ENG: variants seen among roughly 807,000 people sequenced by gnomAD.
ENG encodes CD105 antigen.
Under a neutral mutation model 71.0 loss-of-function variants are expected in ENG, and 17 were observed. The observed-to-expected ratio is 0.24, with a 90% confidence interval of 0.16 to 0.36. ENG has a LOEUF of 0.36. Ranked by LOEUF, ENG falls within the 10% of genes least tolerant of loss-of-function variation. The pLI is 1.00. For missense variants in ENG, 749 were observed against 868.3 expected, an observed-to-expected ratio of 0.86 and a Z score of 1.73; for synonymous variants, 360 against 366.9, an observed-to-expected ratio of 0.98 and a Z score of 0.21.
At chr9:127,819,352 C>G in intron 10 of ENG, 1 of 491,034 alleles carries the variant, frequency 2.0e-6, no homozygotes, top group South Asian at 2.1e-5. Flanking sequence ...GCGCAGAGTC[C>G]TTTCTTAGGC....
intron 2 of ENG, among the ~76,000 whole-genome samples, chr9:127,837,817 A>ATCCATCCACATCCATCCATTCATCCAG (rs1280692329): frequency 1.2e-5 from 1 of 80,928 alleles, no homozygotes; most frequent in African/African-American, 8.7e-5. Flanking sequence ...CATCCATCCA[A>ATCCATCCACATCCATCCATTCATCCAG]CAGATATTGA....
intron 4 of ENG, 60 bp from the exon 5 acceptor site, chr9:127,825,920 C>T (rs1476029091): frequency 7.8e-6 from 12 of 1,545,744 alleles, no homozygotes; most frequent in South Asian, 1.2e-5. Flanking sequence ...AACAGAGCCC[C>T]GCCCTCACCC....
At chr9:127,839,155 A>G (rs1420189835) in intron 2 of ENG, among the ~76,000 whole-genome samples, 1 of 152,020 alleles carries the variant, frequency 6.6e-6, no homozygotes, top group Admixed American at 6.5e-5. Flanking sequence ...CTCTACCTTC[A>G]GTGCTCATCA....
chr9:127,817,053 G>A, intron 13 of ENG, 96 bp downstream of exon 13: 2 of 1,415,594 alleles, frequency 1.4e-6, no homozygotes, highest in African/African-American at 1.4e-5. Flanking sequence ...CCCTTGCCAT[G>A]TGCTATGTGC....
intron 11 of ENG, 131 bp from the exon 12 acceptor site, chr9:127,818,508 C>G (rs1830389934): frequency 1.3e-6 from 2 of 1,520,594 alleles, no homozygotes; most frequent in African/African-American, 1.4e-5. Flanking sequence ...AAGACATGGA[C>G]CTGTCTGGGG....
intron 8 of ENG, among the ~76,000 whole-genome samples, chr9:127,823,659 A>G (rs1588580218): frequency 7.4e-6 from 1 of 135,142 alleles, no homozygotes; most frequent in East Asian, 2.2e-4. Flanking sequence ...AAGTGCTGGG[A>G]TTACAGGCAC....
At chr9:127,847,459 C>A (rs1235008804) in intron 1 of ENG, among the ~76,000 whole-genome samples, 2 of 151,824 alleles carry the variant, frequency 1.3e-5, no homozygotes, top group African/African-American at 2.4e-5. Flanking sequence ...CCGCTGCCAC[C>A]CCCCCTTTTC....
At chr9:127,851,288 C>T (rs1481502671) in intron 1 of ENG, among the ~76,000 whole-genome samples, 3 of 151,928 alleles carry the variant, frequency 2.0e-5, no homozygotes, top group African/African-American at 7.3e-5. Context: ...GGCTTGATCT[C>T]GGCTCATCAC....
chr9:127,841,446 C>A (rs985805967), intron 2 of ENG, among the ~76,000 whole-genome samples: 1 of 151,680 alleles, frequency 6.6e-6, no homozygotes, highest in Non-Finnish European at 1.5e-5. Context: ...ACAAACAATG[C>A]GAACTAACAG....
chr9:127,841,173 C>T (rs1831021585), intron 2 of ENG: 2 of 152,384 alleles, frequency 1.3e-5, no homozygotes, highest in South Asian at 4.1e-4. Context: ...TCCTTAGCTT[C>T]CAAGATCAGA....
At chr9:127,851,848 A>C (rs1159744104) in intron 1 of ENG, among the ~76,000 whole-genome samples, 1 of 152,170 alleles carries the variant, frequency 6.6e-6, no homozygotes, top group African/African-American at 2.4e-5. Flanking sequence ...ATTGCACTGC[A>C]GCCTGGGTGA....
At chr9:127,817,235 C>A (rs770622486) in intron 12 of ENG, 32 bp from the exon 13 acceptor site, 6 of 1,613,374 alleles carry the variant, frequency 3.7e-6, no homozygotes, top group Non-Finnish European at 5.1e-6. Flanking sequence ...GTATGTGGCA[C>A]CTTTGGGAGG....
chr9:127,847,456 C>T (rs1831192745), intron 1 of ENG, among the ~76,000 whole-genome samples: 1 of 151,890 alleles, frequency 6.6e-6, no homozygotes. Flanking sequence ...TTCCCGCTGC[C>T]ACCCCCCCTT....
At position 127,815,333 on chromosome 9, in the gene ENG, T is replaced by C. The variant is rs770303011; in HGVS notation, c.*349A>G. The C allele has an allele frequency of 3.0e-5, 8 of 269,790 alleles. No individual in the cohort carries two copies. Among genetic ancestry groups the C allele is most frequent in the East Asian group, 2.4e-4 (3 of 12,760 alleles). 16.7% of individuals were successfully genotyped at this position (269,790 alleles called of 1,614,324 possible). A position where few individuals can be genotyped will look rare whatever the true frequency, so the allele number is the denominator to read the frequency against. The stretch of plus-strand genomic sequence containing the variant: ...TGGCCTGGCTGGGCTGGCCTGAATC[T>C]GTTTCAAGTTCTCCCTTCCTGCCCA... On this transcript the variant is annotated 3_prime_UTR_variant, in exon 15 of 15. Transcript: ENST00000373203.
Position 127,815,638 on chromosome 9 carries a change from C to T in ENG, c.*44G>A, listed in dbSNP as rs753402054. 2.8e-5 allele frequency: 43 copies of T among 1,538,084 alleles called. 1 individual carries two copies. The Middle Eastern group carries it at 6.7e-4, about 24-fold the overall frequency. ...AGTTCACACCAGTGCTCCCAGCTGG[C>T]GGCTGCTCAGTCTCTCCTGCTGGGC... On this transcript the variant is annotated 3_prime_UTR_variant, in exon 15 of 15. Transcript: ENST00000373203.
intron 13 of ENG, 54 bp from the exon 14 acceptor site, chr9:127,816,107 A>G: frequency 6.3e-7 from 1 of 1,578,794 alleles, no homozygotes; most frequent in Non-Finnish European, 8.6e-7. Flanking sequence ...CCCATCCCCT[A>G]CCCTGTTGTG....
intron 1 of ENG, among the ~76,000 whole-genome samples, chr9:127,843,906 G>A (rs1308890554): frequency 6.9e-6 from 1 of 145,176 alleles, no homozygotes; most frequent in African/African-American, 2.5e-5. Context: ...CAAGTAGCTG[G>A]GATTATAGGC....
At chr9:127,829,037 G>T (rs1830696532) in intron 3 of ENG, among the ~76,000 whole-genome samples, 1 of 152,100 alleles carries the variant, frequency 6.6e-6, no homozygotes, top group African/African-American at 2.4e-5. Flanking sequence ...CCAGCTCCCT[G>T]ACCTCCTCTC....
chr9:127,834,984 T>G (rs548012038), intron 2 of ENG, among the ~76,000 whole-genome samples: 2 of 151,814 alleles, frequency 1.3e-5, no homozygotes, highest in East Asian at 3.9e-4. Context: ...TCATCAGTTT[T>G]GAATAAAATA....
Sources: gnomAD v4.1 joint callset for allele counts (sites outside exome capture counted in the v4.1 genomes callset) on GRCh38, gnomAD v4.1.1 for gene constraint, MANE v1.5 for transcripts, NCBI Gene and HGNC (gene_info 2026-07-23, HGNC 2026-07-21) for gene names.